Variants in IL1RAPL2 observed in about 807,000 individuals in gnomAD.
The protein encoded by IL1RAPL2 is interleukin 1 receptor accessory protein like 2.
In IL1RAPL2, 3 loss-of-function variants were observed where a neutral mutation model predicts 44.1. The observed-to-expected ratio is 0.07, with a 90% CI of 0.03 to 0.18. The LOEUF is 0.18. IL1RAPL2 is among the 10% of genes least tolerant of loss of function. IL1RAPL2 has a pLI of 1.00. For synonymous variants in IL1RAPL2, 181 were observed against 178.8 expected (o/e 1.01, Z -0.10); for missense variants, 391 against 496.4 (o/e 0.79, Z 2.02).
chrX:105,028,343 A>C (rs2147750267), intron 2 of IL1RAPL2, among the ~76,000 whole-genome samples: 1 of 111,854 alleles, frequency 8.9e-6, no homozygotes, highest in Non-Finnish European at 1.9e-5. Flanking sequence ...AATTAGATTT[A>C]TTTGTAATAT....
intron 2 of IL1RAPL2, among the ~76,000 whole-genome samples, chrX:104,743,355 A>C (rs1932126221): frequency 9.3e-6 from 1 of 107,676 alleles, no homozygotes; most frequent in African/African-American, 3.4e-5. Flanking sequence ...CCCTCTACAA[A>C]GGTAATTGAA....
chrX:105,511,845 G>A (rs1195021693), intron 6 of IL1RAPL2, among the ~76,000 whole-genome samples: 1 of 111,395 alleles, frequency 9.0e-6, no homozygotes, highest in African/African-American at 3.3e-5. Context: ...TCAACTGAAT[G>A]TTTTAAAAAG....
At chrX:104,669,299 CCT>C (rs1159795373) in intron 2 of IL1RAPL2, among the ~76,000 whole-genome samples, 2 of 111,474 alleles carry the variant, frequency 1.8e-5, no homozygotes, top group African/African-American at 6.5e-5. Context: ...ATTGGACACA[CCT>C]CTTCCTTTTT....
chrX:105,645,955 G>A (rs777083244), intron 6 of IL1RAPL2, among the ~76,000 whole-genome samples: 1 of 111,151 alleles, frequency 9.0e-6, no homozygotes, highest in Non-Finnish European at 1.9e-5. Flanking sequence ...GCTCTCCCTT[G>A]CCCTTCTTTA....
intron 2 of IL1RAPL2, among the ~76,000 whole-genome samples, chrX:105,165,402 T>A (rs1432178888): frequency 1.8e-5 from 2 of 111,432 alleles, no homozygotes; most frequent in Non-Finnish European, 3.8e-5. Context: ...ATCACTTATA[T>A]CCCTATCTAC....
At chrX:104,667,523 T>C (rs1166490588) in intron 2 of IL1RAPL2, among the ~76,000 whole-genome samples, 1 of 111,568 alleles carries the variant, frequency 9.0e-6, no homozygotes, top group African/African-American at 3.3e-5. Flanking sequence ...TTGTTCTCCA[T>C]ATAGGGAAAC....
chrX:105,579,120 T>C (rs977488319), intron 6 of IL1RAPL2, among the ~76,000 whole-genome samples: 6 of 111,908 alleles, frequency 5.4e-5, no homozygotes, highest in African/African-American at 1.9e-4. Flanking sequence ...CCTTTGGGAA[T>C]ATCAGTGCTA....
intron 5 of IL1RAPL2, among the ~76,000 whole-genome samples, chrX:105,394,520 C>G (rs1168347504): frequency 9.0e-6 from 1 of 111,112 alleles, no homozygotes; most frequent in Non-Finnish European, 1.9e-5. Context: ...ATTGTAGCAG[C>G]CTAGTAACTA....
intron 2 of IL1RAPL2, among the ~76,000 whole-genome samples, chrX:105,141,119 T>C (rs1283188719): frequency 8.9e-6 from 1 of 111,985 alleles, no homozygotes; most frequent in South Asian, 3.7e-4. Flanking sequence ...AGCTTTCAGA[T>C]GTTACTAATT....
intron 2 of IL1RAPL2, among the ~76,000 whole-genome samples, chrX:105,093,048 C>A (rs752996537): frequency 4.5e-5 from 5 of 110,958 alleles, no homozygotes; most frequent in African/African-American, 6.6e-5. Flanking sequence ...TGAACCATAA[C>A]ATAGGCCCAT....
chrX:105,048,390 C>T (rs1439510234), intron 2 of IL1RAPL2, among the ~76,000 whole-genome samples: 2 of 111,703 alleles, frequency 1.8e-5, no homozygotes, highest in Admixed American at 1.9e-4. Flanking sequence ...ATATAATGTG[C>T]ACTACATATG....
chrX:105,122,938 T>G (rs1054900352), intron 2 of IL1RAPL2, among the ~76,000 whole-genome samples: 10 of 111,432 alleles, frequency 9.0e-5, no homozygotes, highest in African/African-American at 2.9e-4. Context: ...TGCATCTGGA[T>G]GTTGGTTCAA....
intron 5 of IL1RAPL2, among the ~76,000 whole-genome samples, chrX:105,401,868 C>G (rs958597792): frequency 9.1e-6 from 1 of 110,215 alleles, no homozygotes; most frequent in Non-Finnish European, 1.9e-5. Context: ...CAAAACCTGA[C>G]TAAAATCTTT....
At chrX:104,851,067 G>A (rs1487411683) in intron 2 of IL1RAPL2, among the ~76,000 whole-genome samples, 1 of 110,790 alleles carries the variant, frequency 9.0e-6, no homozygotes, top group East Asian at 2.8e-4. Flanking sequence ...TACTGTCAGG[G>A]AATGTCAGGA....
intron 5 of IL1RAPL2, among the ~76,000 whole-genome samples, chrX:105,318,010 T>C (rs2034860178): frequency 9.3e-6 from 1 of 107,922 alleles, no homozygotes; most frequent in African/African-American, 3.4e-5. Context: ...TCTCGCTCTG[T>C]CGCCCAGGCT....
At chrX:104,774,553 C>A (rs947617023) in intron 2 of IL1RAPL2, among the ~76,000 whole-genome samples, 2 of 111,511 alleles carry the variant, frequency 1.8e-5, no homozygotes, top group Non-Finnish European at 3.8e-5. Flanking sequence ...TAGCTTCTCC[C>A]TAGAATCCAA....
At chrX:105,311,607 T>TAC (rs1202930007) in intron 5 of IL1RAPL2, among the ~76,000 whole-genome samples, 1 of 92,993 alleles carries the variant, frequency 1.1e-5, no homozygotes, top group East Asian at 3.4e-4. Flanking sequence ...TGATTATACA[T>TAC]ACATACACAC....
At chrX:105,626,445 G>C (rs1204535992) in intron 6 of IL1RAPL2, among the ~76,000 whole-genome samples, 1 of 111,304 alleles carries the variant, frequency 9.0e-6, no homozygotes, top group African/African-American at 3.3e-5. Context: ...CTCTAGCCTA[G>C]AGAGATGGAA....
chrX:105,664,759 T>G (rs76648957), intron 6 of IL1RAPL2, among the ~76,000 whole-genome samples: 13 of 111,674 alleles, frequency 1.2e-4, no homozygotes, highest in East Asian at 1.1e-3. Context: ...AGATTGTCAA[T>G]GCTATGGAAG....
Sources: gnomAD v4.1 joint callset for allele counts (sites outside exome capture counted in the v4.1 genomes callset) on GRCh38, gnomAD v4.1.1 for gene constraint, MANE v1.5 for transcripts, NCBI Gene and HGNC (gene_info 2026-07-23, HGNC 2026-07-21) for gene names.